Variants in MLYCD observed in about 807,000 individuals in gnomAD.
MLYCD encodes the protein malonyl-CoA decarboxylase.
Under a neutral mutation model 35.8 loss-of-function variants are expected in MLYCD, and 27 were observed. That is an observed-to-expected ratio of 0.75 (90% CI 0.56 to 1.04). The LOEUF (loss-of-function observed/expected upper bound fraction) is 1.04, where lower values mean the gene tolerates loss of function less well. Among genes scored for constraint, MLYCD ranks in the 50% least tolerant of loss-of-function variants. The pLI is 0.00. For synonymous variants in MLYCD, 403 were observed against 302.4 expected (o/e 1.33, Z -3.45); for missense variants, 917 against 665.1 (o/e 1.38, Z -4.17).
At chr16:83,912,045 T>G (rs1907197498) in intron 3 of MLYCD, 173 bp from the exon 4 acceptor site, 1 of 908,458 alleles carries the variant, frequency 1.1e-6, no homozygotes, top group African/African-American at 1.6e-5. Flanking sequence ...TCCAGAGAGT[T>G]TTCAAAACAG....
chr16:83,918,395 CAG>C lies in MLYCD; in HGVS notation c.*2907_*2908del, dbSNP rs1481428330. On this transcript the variant is annotated 3_prime_UTR_variant, in exon 5 of 5. Coordinates refer to ENST00000262430, the MANE Select transcript of MLYCD (RefSeq NM_012213.3). ...CATGTTGCACAGGAGAATTCACACA[CAG>C]TGCACAGGAGAACACACAGTGCACA... 2 of 141,224 alleles carry C rather than the reference CAG, an allele frequency of 1.4e-5. No individual in the cohort carries two copies. Among genetic ancestry groups the C allele is most frequent in the Non-Finnish European group, 3.0e-5 (2 of 66,158 alleles). The allele number at this position is 141,224 out of a possible 1,614,324, so 8.7% of individuals were successfully genotyped here.
intron 4 of MLYCD, chr16:83,912,620 G>A: frequency 1.9e-6 from 1 of 526,210 alleles, no homozygotes; most frequent in Non-Finnish European, 3.4e-6. Flanking sequence ...GTTGTATTCT[G>A]AGGTCATCAA....
chr16:83,902,487 T>A (rs1228142784), intron 1 of MLYCD, among the ~76,000 whole-genome samples: 1 of 146,836 alleles, frequency 6.8e-6, no homozygotes, highest in Non-Finnish European at 1.5e-5. Context: ...TATGATCTGA[T>A]CTATTTTTTT....
chr16:83,915,213 C>T lies in MLYCD; in HGVS notation c.1206C>T (p.Cys402=), dbSNP rs749679659. Residue 402 remains cysteine, a synonymous_variant, in exon 5 of 5, where the codon TGC becomes TGT. Coordinates refer to ENST00000262430, the MANE Select transcript of MLYCD (RefSeq NM_012213.3). ...TGCAGACTCCGCTGATGAGGCTGTGCGCCTGGTACCTGTATGGAGAGAAGC... is the reference window on the plus strand; with the variant it reads ...TGCAGACTCCGCTGATGAGGCTGTGTGCCTGGTACCTGTATGGAGAGAAGC... ...RALQTPLMRL[C]AWYLYGEKHR... 22 of 1,613,870 alleles carry T rather than the reference C, an allele frequency of 1.4e-5. No individual in the cohort carries two copies. The highest frequency in any genetic ancestry group is 2.2e-5 in the East Asian group (1 of 44,894).
At chr16:83,902,261 G>C (rs1418133825) in intron 1 of MLYCD, among the ~76,000 whole-genome samples, 1 of 136,586 alleles carries the variant, frequency 7.3e-6, no homozygotes, top group East Asian at 2.1e-4. Context: ...GTTTTTTCTT[G>C]TTACGTTTCC....
rs576158206 is a variant in MLYCD at position 83,915,709 on chromosome 16, A to C, written c.*220A>C. The C allele has an allele frequency of 3.9e-5, 56 of 1,430,342 alleles. No individual in the cohort carries two copies. The highest frequency in any genetic ancestry group is 4.9e-5 in the Non-Finnish European group (54 of 1,091,610). 88.6% of individuals were successfully genotyped at this position (1,430,342 alleles called of 1,614,324 possible). A position where few individuals can be genotyped will look rare whatever the true frequency, so the allele number is the denominator to read the frequency against. ...ACGGTTGTGGGTGCGGGTGCACACA[A>C]ATGAGTGGGTTGCTGTGCTGTCTCC... On this transcript the variant is annotated 3_prime_UTR_variant, in exon 5 of 5. Coordinates refer to ENST00000262430, the MANE Select transcript of MLYCD (RefSeq NM_012213.3).
At chr16:83,908,463 G>A (rs1907060636) in intron 3 of MLYCD, among the ~76,000 whole-genome samples, 181 bp downstream of exon 3, 1 of 151,178 alleles carries the variant, frequency 6.6e-6, no homozygotes, top group African/African-American at 2.4e-5. Context: ...GCGTAGAAGT[G>A]TAACAGGCAG....
chr16:83,899,207 G>A lies in MLYCD; in HGVS notation c.63G>A (p.Arg21=). 4 of 1,189,390 alleles carry A rather than the reference G, an allele frequency of 3.4e-6. No homozygotes were observed. Among genetic ancestry groups the A allele is most frequent in the South Asian group, 3.5e-5 (1 of 28,650 alleles). The allele number at this position is 1,189,390 out of a possible 1,614,324, so 73.7% of individuals were successfully genotyped here. ...RRLLPLRLPP[R]PPGPRLASGQ... ...TCCTCCCGCTGCGGTTGCCCCCGCGGCCGCCCGGGCCCCGGCTGGCGAGCG... is the reference window on the plus strand; with the variant it reads ...TCCTCCCGCTGCGGTTGCCCCCGCGACCGCCCGGGCCCCGGCTGGCGAGCG... The change falls in exon 1 of 5, where the codon CGG becomes CGA. Residue 21 remains arginine, a synonymous_variant. Transcript: ENST00000262430.
Position 83,918,513 on chromosome 16 carries a change from A to C in MLYCD, c.*3024A>C, listed in dbSNP as rs1907516421. 1 of 144,036 alleles carries C rather than the reference A, an allele frequency of 6.9e-6. No individual in the cohort carries two copies. The highest frequency in any genetic ancestry group is 2.2e-4 in the South Asian group (1 of 4,484). The allele number at this position is 144,036 out of a possible 1,614,324, so 8.9% of individuals were successfully genotyped here. A position where few individuals can be genotyped will look rare whatever the true frequency, so the allele number is the denominator to read the frequency against. ...GGAGAACACGCACAGTGCACAGGAG[A>C]ACACAGAGTGCACAGGAGAACACAT... On this transcript the variant is annotated 3_prime_UTR_variant, in exon 5 of 5. Coordinates refer to ENST00000262430, the MANE Select transcript of MLYCD (RefSeq NM_012213.3).
At position 83,915,505 on chromosome 16, in the gene MLYCD, A is replaced by G. The variant is rs758231959; in HGVS notation, c.*16A>G. The G allele has an allele frequency of 6.2e-7, 1 of 1,607,916 alleles. No individual in the cohort carries two copies. The highest frequency in any genetic ancestry group is 8.5e-7 in the Non-Finnish European group (1 of 1,179,900). On this transcript the variant is annotated 3_prime_UTR_variant, in exon 5 of 5. Transcript: ENST00000262430. ...CAAGCTCTGACAGTAAACCTCTCCTAAAGCACAGGGCCCCGGCTAAGAAAA... is the reference window on the plus strand; with the variant it reads ...CAAGCTCTGACAGTAAACCTCTCCTGAAGCACAGGGCCCCGGCTAAGAAAA...
At chr16:83,906,929 A>C (rs1906997498) in intron 1 of MLYCD, 58 bp from the exon 2 acceptor site, 2 of 1,408,440 alleles carry the variant, frequency 1.4e-6, no homozygotes, top group Non-Finnish European at 2.0e-6. Flanking sequence ...ACCACAACAC[A>C]GAGATGGGCT....
In MLYCD at chr16:83,915,730, T is replaced by C. The variant is rs538770719; in HGVS notation, c.*241T>C. 1 of 1,397,642 alleles carries C rather than the reference T, an allele frequency of 7.2e-7. No homozygotes were observed. The highest frequency in any genetic ancestry group is 2.8e-5 in the East Asian group (1 of 36,060). The allele number at this position is 1,397,642 out of a possible 1,614,324, so 86.6% of individuals were successfully genotyped here. A position where few individuals can be genotyped will look rare whatever the true frequency, so the allele number is the denominator to read the frequency against. ...CACAAATGAGTGGGTTGCTGTGCTG[T>C]CTCCGGAAGATTCTGTCGTTGCCCT... On this transcript the variant is annotated 3_prime_UTR_variant, in exon 5 of 5. Coordinates refer to ENST00000262430, the MANE Select transcript of MLYCD (RefSeq NM_012213.3).
chr16:83,912,168 G>A, intron 3 of MLYCD, 50 bp from the exon 4 acceptor site: 1 of 1,613,316 alleles, frequency 6.2e-7, no homozygotes, highest in Non-Finnish European at 8.5e-7. Context: ...TTGCCTCGTG[G>A]GCTGCAGAGC....
At chr16:83,911,579 AGCGACTTCCC>A in intron 3 of MLYCD, 5 of 154,762 alleles carry the variant, frequency 3.2e-5, no homozygotes, top group Admixed American at 1.9e-4. Context: ...ACTTCAGCTA[AGCGACTTCCC>A]AGTCTAGCTC....
intron 1 of MLYCD, among the ~76,000 whole-genome samples, chr16:83,904,936 G>C (rs917295068): frequency 2.0e-5 from 3 of 152,126 alleles, no homozygotes; most frequent in African/African-American, 7.2e-5. Flanking sequence ...GGGTCACACA[G>C]AACAAATTTG....
rs749849642 is a variant in MLYCD at position 83,906,946 on chromosome 16, G to T, written c.529-41G>T. 7 of 1,534,212 alleles carry T rather than the reference G, an allele frequency of 4.6e-6. No individual in the cohort carries two copies. The African/African-American group carries it at 8.2e-5, about 18-fold the overall frequency. ...CACAACACAGAGATGGGCTTGATCT[G>T]TCGCACATTGGAGGCCTGGGATTTA... On this transcript the variant is annotated intron_variant, in intron 1 of 4. Transcript: ENST00000262430.
At position 83,921,706 on chromosome 16, in the gene MLYCD, A is replaced by G. The variant is rs1450862606; in HGVS notation, c.*6217A>G. On this transcript the variant is annotated 3_prime_UTR_variant, in exon 5 of 5. Transcript: ENST00000262430. ...TCTGTTTACGTCTCACTCTTACTGT[A>G]GAACCTCTAGAAAGGCAGGTGGCTT... 2 of 152,258 alleles carry G rather than the reference A, an allele frequency of 1.3e-5. No individual in the cohort carries two copies. Among genetic ancestry groups the G allele is most frequent in the Non-Finnish European group, 2.9e-5 (2 of 68,052 alleles). The allele number at this position is 152,258 out of a possible 1,614,324, so 9.4% of individuals were successfully genotyped here.
intron 1 of MLYCD, among the ~76,000 whole-genome samples, chr16:83,903,620 G>A (rs746673727): frequency 1.5e-4 from 23 of 152,178 alleles, no homozygotes; most frequent in Non-Finnish European, 2.8e-4. Flanking sequence ...TGGTCTAAAC[G>A]GTGTCATACA....
intron 1 of MLYCD, among the ~76,000 whole-genome samples, chr16:83,902,161 A>G (rs1027903889): frequency 0.12 from 13,034 of 104,664 alleles, 1,084 homozygotes; most frequent in East Asian, 0.16. Context: ...GTGCGTATAT[A>G]TATATATATA....
Sources: gnomAD v4.1 joint callset for allele counts (sites outside exome capture counted in the v4.1 genomes callset) on GRCh38, gnomAD v4.1.1 for gene constraint, MANE v1.5 for transcripts, NCBI Gene and HGNC (gene_info 2026-07-23, HGNC 2026-07-21) for gene names.